The following SETBP1 variants were observed in gnomAD, a reference collection of about 807,000 sequenced individuals.
The protein encoded by SETBP1 is SET-binding protein.
A neutral mutation model predicts 101.0 loss-of-function variants in SETBP1; 9 were observed. The ratio of observed to expected loss-of-function variants is 0.09; its 90% confidence interval spans 0.05 to 0.16. SETBP1 has a LOEUF of 0.16. Ranked by LOEUF, SETBP1 falls within the 10% of genes least tolerant of loss-of-function variation. The pLI is 1.00. For missense variants in SETBP1, 1,858 were observed against 2,033.8 expected, an observed-to-expected ratio of 0.91 and a Z score of 1.66; for synonymous variants, 818 against 788.5, an observed-to-expected ratio of 1.04 and a Z score of -0.63.
Position 44,753,688 on chromosome 18 carries a change from C to T in SETBP1, c.486+51856C>T, listed in dbSNP as rs563052723. Among the ~76,000 whole-genome samples the T allele has an allele frequency of 1.7e-4, 26 of 152,060 alleles. No homozygotes were observed. The South Asian group carries it at 4.8e-3, about 28-fold the overall frequency. On this transcript the variant is annotated intron_variant, in intron 2 of 5. Coordinates refer to ENST00000649279, the MANE Select transcript of SETBP1 (RefSeq NM_015559.3). ...GAGCATGAGTTTCATGTTGGAGGTA[C>T]GGAATGTTGACATGGGTGGAAATCA...
At chr18:44,717,809 T>C (rs1186117086) in intron 2 of SETBP1, among the ~76,000 whole-genome samples, 4 of 152,242 alleles carry the variant, frequency 2.6e-5, no homozygotes, top group Admixed American at 2.6e-4. Flanking sequence ...AAAACAAAGA[T>C]AAGAGAAAGA....
At chr18:44,973,933 G>T (rs765735812) in intron 4 of SETBP1, among the ~76,000 whole-genome samples, 1 of 152,124 alleles carries the variant, frequency 6.6e-6, no homozygotes, top group Non-Finnish European at 1.5e-5. Context: ...CCTTAGGACA[G>T]GGCTTGTCAG....
intron 2 of SETBP1, among the ~76,000 whole-genome samples, chr18:44,769,076 A>C (rs1279148094): frequency 6.6e-6 from 1 of 152,232 alleles, no homozygotes; most frequent in Non-Finnish European, 1.5e-5. Flanking sequence ...CTAACTGCTC[A>C]GGGCTGAACC....
intron 3 of SETBP1, among the ~76,000 whole-genome samples, chr18:44,931,489 A>G (rs908760292): frequency 2.0e-5 from 3 of 152,156 alleles, no homozygotes; most frequent in African/African-American, 7.2e-5. Context: ...ATTCCTGGAT[A>G]TCCTTGTTAA....
At chr18:45,044,235 C>T (rs907842756) in intron 5 of SETBP1, among the ~76,000 whole-genome samples, 1 of 152,038 alleles carries the variant, frequency 6.6e-6, no homozygotes. Context: ...TCCTTTGTGC[C>T]CAGTCTAAAC....
chr18:44,743,118 C>T (rs577836970), intron 2 of SETBP1, among the ~76,000 whole-genome samples: 29 of 151,948 alleles, frequency 1.9e-4, no homozygotes, highest in African/African-American at 6.8e-4. Context: ...GCTTCCCTGC[C>T]TTCCCTTCCC....
At chr18:44,965,778 A>G (rs1380099481) in intron 4 of SETBP1, among the ~76,000 whole-genome samples, 2 of 152,204 alleles carry the variant, frequency 1.3e-5, no homozygotes, top group African/African-American at 2.4e-5. Flanking sequence ...GTACTGCAGT[A>G]TCTGTCTTAT....
At position 44,950,049 on chromosome 18, in the gene SETBP1, A is replaced by C. The variant is rs1160947035; in HGVS notation, c.709A>C (p.Ile237Leu). 6.2e-7 allele frequency: 1 copy of C among 1,614,232 alleles called. No homozygotes were observed. The highest frequency in any genetic ancestry group is 2.2e-5 in the East Asian group (1 of 44,888). The change falls in exon 4 of 6, where the codon ATC becomes CTC. Residue 237 changes from isoleucine (I) to leucine (L), a missense_variant. By Grantham distance (5) the Ile-to-Leu change is conservative. This residue lies in a region of SETBP1 where 581 missense variants were observed against 535.1 expected (regional missense o/e 1.09). Transcript: ENST00000649279. ...DSGPVTQNCF[I>L]SPESGRETAS... ...CGGACCCGTCACTCAGAATTGCTTC[A>C]TCAGTCCAGAGTCTGGCAGAGAAAC...
In SETBP1 at chr18:44,977,257, G is replaced by T. The variant is rs535865918; in HGVS notation, c.4000+23917G>T. ...TCTACTCTGGATAGATATCAAAAAA[G>T]AAATGCGGAAGGTATGTGTGGACAA... is the stretch of plus-strand genomic sequence containing the variant. On this transcript the variant is annotated intron_variant, in intron 4 of 5. Transcript: ENST00000649279. 5.9e-5 allele frequency among the ~76,000 whole-genome samples: 9 copies of T among 152,280 alleles called. No homozygotes were observed. The East Asian group carries it at 1.7e-3, about 29-fold the overall frequency.
At chr18:44,816,702 A>G (rs1413116590) in intron 2 of SETBP1, among the ~76,000 whole-genome samples, 1 of 152,192 alleles carries the variant, frequency 6.6e-6, no homozygotes, top group Non-Finnish European at 1.5e-5. Context: ...GTTCAACGAA[A>G]TAGAACACCG....
chr18:44,813,342 T>C (rs752656968), intron 2 of SETBP1, among the ~76,000 whole-genome samples: 2 of 152,186 alleles, frequency 1.3e-5, no homozygotes, highest in Admixed American at 6.5e-5. Flanking sequence ...AAGGGCTTTT[T>C]TTTTCCCTTT....
At chr18:44,707,946 T>C (rs949516910) in intron 2 of SETBP1, among the ~76,000 whole-genome samples, 1 of 152,162 alleles carries the variant, frequency 6.6e-6, no homozygotes, top group African/African-American at 2.4e-5. Context: ...CAAGGAGAGA[T>C]TGGTCTAGGG....
At chr18:45,033,621 G>T (rs2073340863) in intron 4 of SETBP1, among the ~76,000 whole-genome samples, 1 of 152,164 alleles carries the variant, frequency 6.6e-6, no homozygotes, top group South Asian at 2.1e-4. Flanking sequence ...TTCTTACCAT[G>T]AAATATCTAC....
At chr18:44,727,186 C>CTCTG (rs143445388) in intron 2 of SETBP1, among the ~76,000 whole-genome samples, 1 of 145,306 alleles carries the variant, frequency 6.9e-6, no homozygotes, top group African/African-American at 2.6e-5. Flanking sequence ...TATTTGATCA[C>CTCTG]TGTGTGTGTG....
intron 3 of SETBP1, among the ~76,000 whole-genome samples, chr18:44,925,468 A>G (rs1235534013): frequency 1.3e-5 from 2 of 152,156 alleles, no homozygotes; most frequent in Non-Finnish European, 2.9e-5. Context: ...CTGCTTTTGG[A>G]GCTAGAAGTT....
intron 1 of SETBP1, among the ~76,000 whole-genome samples, chr18:44,695,976 T>C (rs2069010667): frequency 6.6e-6 from 1 of 151,956 alleles, no homozygotes; most frequent in African/African-American, 2.4e-5. Flanking sequence ...TTGAATATAC[T>C]AAGGGCCCTA....
intron 4 of SETBP1, among the ~76,000 whole-genome samples, chr18:45,016,850 G>A (rs1036302359): frequency 1.5e-5 from 2 of 129,952 alleles, no homozygotes; most frequent in Admixed American, 9.0e-5. Context: ...CACAGTCAAC[G>A]GCAGGTTTTC....
intron 4 of SETBP1, among the ~76,000 whole-genome samples, chr18:45,012,644 G>GTA (rs1471080263): frequency 6.6e-6 from 1 of 151,996 alleles, no homozygotes; most frequent in Non-Finnish European, 1.5e-5. Flanking sequence ...AGAAAATGTG[G>GTA]TATATATGCA....
intron 2 of SETBP1, among the ~76,000 whole-genome samples, chr18:44,781,206 A>G (rs1324504439): frequency 6.6e-6 from 1 of 152,198 alleles, no homozygotes; most frequent in African/African-American, 2.4e-5. Flanking sequence ...GAAGAATTTA[A>G]GCGAGGGAAT....
Sources: gnomAD v4.1 joint callset for allele counts (sites outside exome capture counted in the v4.1 genomes callset) on GRCh38, gnomAD v4.1.1 for gene constraint, gnomAD v4.1.1 regional missense constraint, MANE v1.5 for transcripts, NCBI Gene and HGNC (gene_info 2026-07-23, HGNC 2026-07-21) for gene names.